BMAL1: variants seen among roughly 807,000 people sequenced by gnomAD.
BMAL1 encodes the protein basic helix-loop-helix ARNT like 1, also known as basic helix-loop-helix ARNT-like protein 1.
the BMAL1 span, among the ~76,000 whole-genome samples, chr11:13,370,347 A>C: frequency 1.2e-3 from 178 of 152,196 alleles, no homozygotes; most frequent in African/African-American, 4.2e-3. Context: ...TTCCACATTC[A>C]TATTTCCAGC....
At chr11:13,386,663 T>C in the BMAL1 span, 8 of 1,614,184 alleles carry the variant, frequency 5.0e-6, no homozygotes, top group South Asian at 1.1e-5. Context: ...CCAGTAATGA[T>C]GAGGCAGCAA....
At chr11:13,279,330 A>G in the BMAL1 span, among the ~76,000 whole-genome samples, 1 of 152,178 alleles carries the variant, frequency 6.6e-6, no homozygotes, top group South Asian at 2.1e-4. Context: ...TGCCCCTTAG[A>G]TGCATTCATT....
the BMAL1 span, among the ~76,000 whole-genome samples, chr11:13,313,258 C>G: frequency 6.6e-6 from 1 of 152,214 alleles, no homozygotes; most frequent in Admixed American, 6.5e-5. Flanking sequence ...ACAGCCTGCT[C>G]TGCTGGTTCT....
chr11:13,321,040 C>T, the BMAL1 span, among the ~76,000 whole-genome samples: 1 of 152,152 alleles, frequency 6.6e-6, no homozygotes, highest in African/African-American at 2.4e-5. Flanking sequence ...CTTGCCAATG[C>T]ACTGATATAT....
At chr11:13,298,841 T>C in the BMAL1 span, among the ~76,000 whole-genome samples, 1 of 152,248 alleles carries the variant, frequency 6.6e-6, no homozygotes, top group Admixed American at 6.5e-5. Flanking sequence ...ACCTGTGCTC[T>C]GTGTTCCCCT....
chr11:13,285,505 A>G, the BMAL1 span, among the ~76,000 whole-genome samples: 2 of 152,180 alleles, frequency 1.3e-5, no homozygotes, highest in South Asian at 2.1e-4. Context: ...AGGGTACCTT[A>G]TCTAGATCAC....
At chr11:13,336,728 C>T in the BMAL1 span, among the ~76,000 whole-genome samples, 3 of 152,296 alleles carry the variant, frequency 2.0e-5, no homozygotes, top group Non-Finnish European at 2.9e-5. Context: ...GATAGCCAGG[C>T]GTTCAGAACT....
chr11:13,309,299 G>A, the BMAL1 span, among the ~76,000 whole-genome samples: 1 of 152,026 alleles, frequency 6.6e-6, no homozygotes, highest in Admixed American at 6.6e-5. Context: ...AGGGTCTATC[G>A]GGGGAAACCA....
chr11:13,286,774 T>C, the BMAL1 span, among the ~76,000 whole-genome samples: 1 of 152,332 alleles, frequency 6.6e-6, no homozygotes, highest in Admixed American at 6.5e-5. Context: ...CCAACTTATC[T>C]TCCATATAAT....
chr11:13,307,366 T>A, the BMAL1 span, among the ~76,000 whole-genome samples: 1 of 152,188 alleles, frequency 6.6e-6, no homozygotes, highest in South Asian at 2.1e-4. Flanking sequence ...CTGCTTTAGC[T>A]CCAAGGAGCA....
chr11:13,281,192 G>A, the BMAL1 span, among the ~76,000 whole-genome samples: 1 of 152,036 alleles, frequency 6.6e-6, no homozygotes, highest in African/African-American at 2.4e-5. Context: ...AGTCTCCCCT[G>A]CCCCACCCTG....
At chr11:13,386,605 C>T in the BMAL1 span, 1 of 1,611,806 alleles carries the variant, frequency 6.2e-7, no homozygotes. Context: ...GGTGAGAACC[C>T]CCACATAGGT....
the BMAL1 span, among the ~76,000 whole-genome samples, chr11:13,363,211 AAAAT>A: frequency 6.9e-6 from 1 of 145,974 alleles, no homozygotes; most frequent in Non-Finnish European, 1.5e-5. Flanking sequence ...GACAAATTTA[AAAAT>A]AAATAAAACA....
the BMAL1 span, chr11:13,354,511 A>T: frequency 6.3e-7 from 1 of 1,574,952 alleles, no homozygotes; most frequent in Non-Finnish European, 8.6e-7. Context: ...GGCATGGAAC[A>T]TCTAGCAGCC....
the BMAL1 span, among the ~76,000 whole-genome samples, chr11:13,304,270 G>A: frequency 6.6e-6 from 1 of 152,204 alleles, no homozygotes; most frequent in African/African-American, 2.4e-5. Flanking sequence ...CTGGCCCTGA[G>A]CCGGGGTGGT....
chr11:13,332,307 A>T, the BMAL1 span, among the ~76,000 whole-genome samples: 1 of 152,226 alleles, frequency 6.6e-6, no homozygotes, highest in Non-Finnish European at 1.5e-5. Flanking sequence ...GTGTTGTCAG[A>T]TAGCAAACAA....
chr11:13,327,006 G>T, the BMAL1 span, among the ~76,000 whole-genome samples: 1 of 151,930 alleles, frequency 6.6e-6, no homozygotes, highest in African/African-American at 2.4e-5. Flanking sequence ...ATTTTTAGTA[G>T]AGACGGGGTT....
At chr11:13,339,529 G>A in the BMAL1 span, among the ~76,000 whole-genome samples, 2 of 152,006 alleles carry the variant, frequency 1.3e-5, no homozygotes, top group South Asian at 2.1e-4. Flanking sequence ...TTTACTCAGA[G>A]TCAAGGCCAA....
chr11:13,344,627 T>A, the BMAL1 span, among the ~76,000 whole-genome samples: 1 of 152,218 alleles, frequency 6.6e-6, no homozygotes, highest in African/African-American at 2.4e-5. Flanking sequence ...CTGCTGTCAT[T>A]CAGTGAAGGT....
Sources: gnomAD v4.1 joint callset for allele counts (sites outside exome capture counted in the v4.1 genomes callset) on GRCh38, gnomAD v4.1.1 for gene constraint, MANE v1.5 for transcripts, NCBI Gene and HGNC (gene_info 2026-07-23, HGNC 2026-07-21) for gene names.